Variants in SDK1 observed in about 807,000 individuals in gnomAD.
The protein encoded by SDK1 is sidekick cell adhesion molecule 1.
Under a neutral mutation model 245.5 loss-of-function variants are expected in SDK1, and 157 were observed. The ratio of observed to expected loss-of-function variants is 0.64; its 90% confidence interval spans 0.56 to 0.73. SDK1 has a LOEUF of 0.73. Ranked by LOEUF, SDK1 falls within the 30% of genes least tolerant of loss-of-function variation. SDK1 has a pLI of 0.00. For missense variants in SDK1, 3,583 were observed against 3,002.3 expected (o/e 1.19, Z -4.52); for synonymous variants, 1,647 against 1,278.5 (o/e 1.29, Z -6.15).
At position 3,723,684 on chromosome 7, in the gene SDK1, G is replaced by A. The variant is rs200453972; in HGVS notation, c.713+81579G>A. 7.3e-5 allele frequency among the ~76,000 whole-genome samples: 11 copies of A among 150,978 alleles called. No homozygotes were observed. In the East Asian group the frequency reaches 2.0e-3, roughly 27 times the overall value. ...TGTGTGTGTGTGTGTGTGTGTATAC[G>A]TGTATATACACGTACATATACATAT... is the stretch of plus-strand genomic sequence containing the variant. On this transcript the variant is annotated intron_variant, in intron 4 of 44. Coordinates refer to ENST00000404826, the MANE Select transcript of SDK1 (RefSeq NM_152744.4).
chr7:3,987,426 T>A, intron 14 of SDK1, 104 bp downstream of exon 14: 1 of 1,171,878 alleles, frequency 8.5e-7, no homozygotes, highest in Non-Finnish European at 1.2e-6. Flanking sequence ...AAACAACTAC[T>A]AAAATGCTGT....
At chr7:4,247,929 G>A (rs1787001560) in intron 44 of SDK1, among the ~76,000 whole-genome samples, 1 of 152,126 alleles carries the variant, frequency 6.6e-6, no homozygotes, top group African/African-American at 2.4e-5. Context: ...GGGGAGGGAG[G>A]CATCCAGGGA....
intron 4 of SDK1, among the ~76,000 whole-genome samples, chr7:3,773,093 T>G (rs1051768778): frequency 6.6e-5 from 10 of 152,230 alleles, no homozygotes; most frequent in African/African-American, 2.4e-4. Context: ...TCCTCAAATT[T>G]GGGAAGTTTT....
intron 1 of SDK1, among the ~76,000 whole-genome samples, chr7:3,588,964 G>C (rs778070575): frequency 2.6e-5 from 4 of 152,120 alleles, no homozygotes; most frequent in Non-Finnish European, 4.4e-5. Context: ...TTTTTATTTA[G>C]GATTTTAGTA....
chr7:3,397,947 G>T (rs1033669955), intron 1 of SDK1, among the ~76,000 whole-genome samples: 5 of 152,080 alleles, frequency 3.3e-5, no homozygotes, highest in African/African-American at 1.2e-4. Context: ...CCTTCAGATT[G>T]TGTGTTTTCT....
At chr7:3,450,873 G>C (rs1265379737) in intron 1 of SDK1, among the ~76,000 whole-genome samples, 3 of 152,156 alleles carry the variant, frequency 2.0e-5, no homozygotes, top group African/African-American at 7.2e-5. Flanking sequence ...AAGACACTGA[G>C]AAGGAATGGC....
intron 1 of SDK1, among the ~76,000 whole-genome samples, chr7:3,408,813 T>C (rs1291905767): frequency 1.3e-5 from 2 of 152,250 alleles, no homozygotes; most frequent in South Asian, 2.1e-4. Context: ...CTCACCCTTA[T>C]TCACTAATGT....
intron 4 of SDK1, among the ~76,000 whole-genome samples, chr7:3,772,417 TC>T (rs1322769006): frequency 6.6e-6 from 1 of 152,186 alleles, no homozygotes; most frequent in African/African-American, 2.4e-5. Flanking sequence ...GTTGTTGATG[TC>T]ACAAAATCAC....
chr7:3,346,042 AT>A (rs1464741017), intron 1 of SDK1, among the ~76,000 whole-genome samples: 1 of 152,164 alleles, frequency 6.6e-6, no homozygotes, highest in Admixed American at 6.5e-5. Context: ...CCTGGATAAA[AT>A]GTTTTTGGGT....
At position 3,301,640 on chromosome 7, in the gene SDK1, G is replaced by T. The variant is rs1204895382; in HGVS notation, c.54G>T (p.Glu18Asp). ...SAAGGGGGGA[E>D]PPERAGPGRP... ...CCGGTGGCGGCGGCGGCGGCGCGGAGCCCCCTGAGCGCGCGGGCCCCGGGC... is the reference window on the plus strand; with the variant it reads ...CCGGTGGCGGCGGCGGCGGCGCGGATCCCCCTGAGCGCGCGGGCCCCGGGC... Residue 18 changes from glutamate (E) to aspartate (D), a missense_variant, in exon 1 of 45, where the codon GAG (glutamate) becomes GAT (aspartate). Coordinates refer to ENST00000404826, the MANE Select transcript of SDK1 (RefSeq NM_152744.4). The T allele has an allele frequency of 1.0e-6, 1 of 977,078 alleles. No individual in the cohort carries two copies. Among genetic ancestry groups the T allele is most frequent in the Non-Finnish European group, 1.2e-6 (1 of 826,464 alleles). 60.5% of individuals were successfully genotyped at this position (977,078 alleles called of 1,614,324 possible). A position where few individuals can be genotyped will look rare whatever the true frequency, so the allele number is the denominator to read the frequency against.
intron 5 of SDK1, among the ~76,000 whole-genome samples, chr7:3,949,765 C>T (rs1177643622): frequency 6.6e-6 from 1 of 152,070 alleles, no homozygotes; most frequent in Non-Finnish European, 1.5e-5. Flanking sequence ...TCTCCCTTGT[C>T]ACCAGAAGTA....
At chr7:3,554,644 AAG>A (rs1277375146) in intron 1 of SDK1, among the ~76,000 whole-genome samples, 1 of 152,214 alleles carries the variant, frequency 6.6e-6, no homozygotes, top group Non-Finnish European at 1.5e-5. Context: ...ATACTAAGGA[AAG>A]AGGCACTGAG....
At chr7:3,591,973 C>T (rs1317526922) in intron 1 of SDK1, among the ~76,000 whole-genome samples, 2 of 152,134 alleles carry the variant, frequency 1.3e-5, no homozygotes, top group Non-Finnish European at 2.9e-5. Flanking sequence ...ATACAGATGA[C>T]AAACAAGGCT....
intron 1 of SDK1, among the ~76,000 whole-genome samples, chr7:3,328,431 A>G (rs377650241): frequency 2.6e-5 from 4 of 152,112 alleles, no homozygotes; most frequent in East Asian, 3.8e-4. Flanking sequence ...TCTAGTTCAG[A>G]TGATCTGGGT....
chr7:3,687,804 A>C (rs1258038713), intron 4 of SDK1, among the ~76,000 whole-genome samples: 1 of 152,116 alleles, frequency 6.6e-6, no homozygotes, highest in Non-Finnish European at 1.5e-5. Context: ...GTGTGTCTTG[A>C]CTGTGTTAAT....
At chr7:3,529,524 TA>T (rs1476173542) in intron 1 of SDK1, among the ~76,000 whole-genome samples, 3 of 152,108 alleles carry the variant, frequency 2.0e-5, no homozygotes, top group Non-Finnish European at 4.4e-5. Flanking sequence ...GGATATACAT[TA>T]AATAAATGGG....
chr7:3,349,853 C>T (rs1208841213), intron 1 of SDK1, among the ~76,000 whole-genome samples: 3 of 152,132 alleles, frequency 2.0e-5, no homozygotes, highest in African/African-American at 4.8e-5. Flanking sequence ...CTGCCCGCCT[C>T]GGCCTCCCAA....
Position 3,458,357 on chromosome 7 carries a change from T to C in SDK1, c.298+156473T>C, listed in dbSNP as rs138253687. Among the ~76,000 whole-genome samples, 824 of 152,290 alleles carry C rather than the reference T, an allele frequency of 5.4e-3. 7 individuals carry two copies. The highest frequency in any genetic ancestry group is 0.019 in the African/African-American group (785 of 41,546). ...TAGAGGGATTTTTGTCTATCCTAAGTGCCTAGAGCACTGTTTCCATAGAGT... is the reference window on the plus strand; with the variant it reads ...TAGAGGGATTTTTGTCTATCCTAAGCGCCTAGAGCACTGTTTCCATAGAGT... On this transcript the variant is annotated intron_variant, in intron 1 of 44. Coordinates refer to ENST00000404826, the MANE Select transcript of SDK1 (RefSeq NM_152744.4).
chr7:3,422,674 A>G (rs1327009410), intron 1 of SDK1, among the ~76,000 whole-genome samples: 1 of 152,164 alleles, frequency 6.6e-6, no homozygotes, highest in African/African-American at 2.4e-5. Context: ...CTCTGAGTTT[A>G]TATGCATATC....
Sources: allele counts gnomAD v4.1 joint callset (sites outside exome capture counted in the v4.1 genomes callset), GRCh38; gene constraint gnomAD v4.1.1; transcripts MANE v1.5; gene names NCBI Gene and HGNC (gene_info 2026-07-23, HGNC 2026-07-21).